SRPX2: variants seen among roughly 807,000 people sequenced by gnomAD.
The protein encoded by SRPX2 is sushi repeat containing protein X-linked 2, also known as sushi repeat-containing protein SRPX2.
A neutral mutation model predicts 45.3 loss-of-function variants in SRPX2; 26 were observed. The observed-to-expected ratio is 0.57, with a 90% CI of 0.42 to 0.80. The LOEUF is 0.80. Among genes scored for constraint, SRPX2 ranks in the 30% least tolerant of loss-of-function variants. The pLI is 0.00. For synonymous variants in SRPX2, 125 were observed against 143.7 expected (o/e 0.87, Z 0.93); for missense variants, 355 against 399.8 (o/e 0.89, Z 0.95).
intron 3 of SRPX2, 90 bp from the exon 4 acceptor site, chrX:100,662,086 A>AT: frequency 2.0e-6 from 2 of 975,825 alleles, no homozygotes; most frequent in Admixed American, 2.3e-5. Context: ...TGGGCTCTCT[A>AT]TTTTTTTCCA....
intron 2 of SRPX2, among the ~76,000 whole-genome samples, chrX:100,648,615 C>G (rs1300265481): frequency 4.4e-5 from 5 of 112,364 alleles, no homozygotes; most frequent in African/African-American, 1.6e-4. Flanking sequence ...TTTAAAGTGG[C>G]AAGATGGTCT....
intron 3 of SRPX2, chrX:100,651,196 G>T: frequency 3.9e-6 from 1 of 255,658 alleles, no homozygotes; most frequent in Non-Finnish European, 7.0e-6. Flanking sequence ...GGGGGTGATG[G>T]GGGGGTATAA....
chrX:100,673,897 T>C lies in SRPX2; in HGVS notation c.*2910T>C, dbSNP rs2083240703. On this transcript the variant is annotated 3_prime_UTR_variant, in exon 11 of 11. Transcript: ENST00000373004. The stretch of plus-strand genomic sequence containing the variant: ...AAAGTGGTTGGAGAAATTAAAGAAA[T>C]AGTATATGAAGCCTTGCACATAAAA... 9.0e-6 allele frequency: 1 copy of C among 111,588 alleles called. No homozygotes were observed. Among genetic ancestry groups the C allele is most frequent in the African/African-American group, 3.3e-5 (1 of 30,638 alleles). 9.2% of individuals were successfully genotyped at this position (111,588 alleles called of 1,213,427 possible).
rs746902914 is a variant in SRPX2 at position 100,666,785 on chromosome X, G to T, written c.813G>T (p.Gln271His). ...GCTGCCCAACTCTGAAACCTCCGCA[G>T]CACGGCTACCTCACCTGCACCTCAG... ...VRRCPTLKPP[Q>H]HGYLTCTSAG... is the part of the protein sequence containing the mutation. The change falls in exon 8 of 11, where the codon CAG (glutamine) becomes CAT (histidine). Residue 271 changes from glutamine to histidine, a missense_variant. Physicochemically the swap from Gln to His is conservative, Grantham distance 24. Transcript: ENST00000373004. 14 of 1,212,199 alleles carry T rather than the reference G, an allele frequency of 1.2e-5. No individual in the cohort carries two copies. The highest frequency in any genetic ancestry group is 1.6e-5 in the Non-Finnish European group (14 of 895,654).
chrX:100,649,871 G>T (rs1171761573), intron 2 of SRPX2, among the ~76,000 whole-genome samples: 2 of 112,205 alleles, frequency 1.8e-5, no homozygotes, highest in Admixed American at 9.4e-5. Context: ...CCCTATTCCT[G>T]TGCATGCATT....
At position 100,665,016 on chromosome X, in the gene SRPX2, A is replaced by G. The variant is rs777851685; in HGVS notation, c.532+66A>G. On this transcript the variant is annotated intron_variant, in intron 5 of 10. Transcript: ENST00000373004. ...CACCCCAGCATTATATCGACAAAAG[A>G]TGTGGAATTCTCACCACAGAAGGCA... The G allele has an allele frequency of 5.7e-5, 66 of 1,159,206 alleles. No individual in the cohort carries two copies. The South Asian group carries it at 1.2e-3, about 21-fold the overall frequency.
chrX:100,661,932 G>GGT (rs2083188910), intron 3 of SRPX2, among the ~76,000 whole-genome samples: 1 of 93,194 alleles, frequency 1.1e-5, no homozygotes, highest in Non-Finnish European at 2.1e-5. Flanking sequence ...GTCGAGGTGG[G>GGT]GTTTTTTTTT....
intron 3 of SRPX2, among the ~76,000 whole-genome samples, chrX:100,659,777 CT>C (rs35600595): frequency 0.053 from 4,433 of 83,922 alleles, 288 homozygotes; most frequent in African/African-American, 0.18. Flanking sequence ...TCATCTACTT[CT>C]TTTTTTTTTT....
intron 6 of SRPX2, 53 bp downstream of exon 6, chrX:100,665,422 A>G (rs1284397665): frequency 8.3e-7 from 1 of 1,204,735 alleles, no homozygotes; most frequent in Non-Finnish European, 1.1e-6. Context: ...TCTCTCAGTC[A>G]TTCAGGCTGG....
chrX:100,648,816 T>G (rs768841126), intron 2 of SRPX2, among the ~76,000 whole-genome samples: 1 of 111,948 alleles, frequency 8.9e-6, no homozygotes, highest in African/African-American at 3.2e-5. Flanking sequence ...CAAAAGAGAT[T>G]TTGGACTTTT....
Position 100,662,189 on chromosome X carries a change from T to A in SRPX2, c.177T>A (p.Cys59Ter). 1 of 1,211,340 alleles carries A rather than the reference T, an allele frequency of 8.3e-7. No homozygotes were observed. Among genetic ancestry groups the A allele is most frequent in the East Asian group, 3.0e-5 (1 of 33,813 alleles). Residue 59 changes from cysteine (C) to a stop codon, truncating the protein, a stop_gained, in exon 4 of 11, where the codon TGT becomes TGA. Transcript: ENST00000373004. LOFTEE classifies it high-confidence loss of function. ...PALDYRVPRW[C>*]YTLNIQDGEA... ...CTATTGCTACAGTCCCCCGATGGTG[T>A]TATACATTAAATATCCAGGATGGAG...
intron 4 of SRPX2, among the ~76,000 whole-genome samples, chrX:100,664,215 A>ATTT (rs5903167): frequency 1.3e-3 from 125 of 98,755 alleles, no homozygotes; most frequent in East Asian, 7.4e-3. Context: ...GTCAGGTCTG[A>ATTT]TTTTTTTTTT....
At chrX:100,669,225 A>G in intron 9 of SRPX2, 23 bp from the exon 10 acceptor site, 1 of 1,210,777 alleles carries the variant, frequency 8.3e-7, no homozygotes, top group Non-Finnish European at 1.1e-6. Context: ...TCTGTTGCAT[A>G]AAATGTTCTG....
chrX:100,648,959 G>T (rs2083143594), intron 2 of SRPX2, among the ~76,000 whole-genome samples: 1 of 112,440 alleles, frequency 8.9e-6, no homozygotes, highest in African/African-American at 3.2e-5. Flanking sequence ...GGGAGACCTT[G>T]GTTCTCTTGG....
intron 3 of SRPX2, among the ~76,000 whole-genome samples, chrX:100,653,465 G>A (rs1397940531): frequency 9.0e-6 from 1 of 110,552 alleles, no homozygotes; most frequent in African/African-American, 3.3e-5. Context: ...CTCACACATG[G>A]ATAATACAGT....
intron 4 of SRPX2, 132 bp downstream of exon 4, chrX:100,662,499 C>G: frequency 1.3e-6 from 1 of 770,418 alleles, no homozygotes; most frequent in Non-Finnish European, 1.9e-6. Flanking sequence ...ATTCCATAAG[C>G]CCCCCAGCAG....
intron 3 of SRPX2, among the ~76,000 whole-genome samples, chrX:100,659,895 G>T (rs1472116515): frequency 3.8e-5 from 4 of 106,146 alleles, no homozygotes; most frequent in African/African-American, 1.4e-4. Flanking sequence ...CATGCTGTGT[G>T]TGTGCATCCT....
At position 100,657,630 on chromosome X, in the gene SRPX2, C is replaced by G. The variant is rs981790058; in HGVS notation, c.164-4546C>G. Among the ~76,000 whole-genome samples the G allele has an allele frequency of 3.6e-5, 4 of 110,270 alleles. No individual in the cohort carries two copies. In the Admixed American group the frequency reaches 3.9e-4, roughly 11 times the overall value. ...CCTCCCAAAGTCCTGGGATTACAGG[C>G]ATGAGCCACTGTGCCTGGCCTTTTT... On this transcript the variant is annotated intron_variant, in intron 3 of 10. Transcript: ENST00000373004.
At chrX:100,664,364 C>G (rs1389108661) in intron 4 of SRPX2, among the ~76,000 whole-genome samples, 4 of 111,078 alleles carry the variant, frequency 3.6e-5, no homozygotes, top group Non-Finnish European at 5.7e-5. Context: ...ACATGTACAG[C>G]CTCCCCTGTT....
Sources: gnomAD v4.1 joint callset for allele counts (sites outside exome capture counted in the v4.1 genomes callset) on GRCh38, gnomAD v4.1.1 for gene constraint, MANE v1.5 for transcripts, NCBI Gene and HGNC (gene_info 2026-07-23, HGNC 2026-07-21) for gene names.